MTUS1: variants seen among roughly 807,000 people sequenced by gnomAD.
The protein encoded by MTUS1 is microtubule associated scaffold protein 1, also known as microtubule-associated tumor suppressor 1.
A neutral mutation model predicts 120.8 loss-of-function variants in MTUS1; 109 were observed. The observed-to-expected ratio is 0.90, with a 90% CI of 0.77 to 1.06. The LOEUF (loss-of-function observed/expected upper bound fraction) is 1.06. MTUS1 is among the 50% of genes least tolerant of loss of function. The pLI, the probability that MTUS1 is intolerant of heterozygous loss-of-function variation, is 0.00. For synonymous variants in MTUS1, 737 were observed against 550.5 expected (o/e 1.34, Z -4.74); for missense variants, 2,210 against 1,486.3 (o/e 1.49, Z -8.01).
At chr8:17,799,091 G>C (rs1351120740) in intron 1 of MTUS1, among the ~76,000 whole-genome samples, 1 of 152,016 alleles carries the variant, frequency 6.6e-6, no homozygotes, top group Non-Finnish European at 1.5e-5. Context: ...CTCACAGAGA[G>C]CTGGTGGGAA....
At chr8:17,746,375 C>A (rs1005197259) in intron 2 of MTUS1, among the ~76,000 whole-genome samples, 1 of 152,134 alleles carries the variant, frequency 6.6e-6, no homozygotes, top group African/African-American at 2.4e-5. Context: ...ATTTTCACAA[C>A]GCTGATAAAG....
At chr8:17,670,525 G>T (rs771645591) in intron 8 of MTUS1, among the ~76,000 whole-genome samples, 1 of 152,120 alleles carries the variant, frequency 6.6e-6, no homozygotes, top group Non-Finnish European at 1.5e-5. Context: ...CAGTGAAAAA[G>T]ATCACAGCAG....
At chr8:17,684,689 T>A in intron 6 of MTUS1, 147 bp from the exon 7 acceptor site, 1 of 660,268 alleles carries the variant, frequency 1.5e-6, no homozygotes, top group Non-Finnish European at 2.7e-6. Context: ...AGAACTGGAA[T>A]GAATCGGAGA....
chr8:17,753,472 T>C (rs906493688), intron 2 of MTUS1, among the ~76,000 whole-genome samples: 3 of 152,190 alleles, frequency 2.0e-5, no homozygotes, highest in Non-Finnish European at 2.9e-5. Context: ...CAGCACACTA[T>C]TAAAAGGAAC....
intron 2 of MTUS1, among the ~76,000 whole-genome samples, chr8:17,746,124 T>C (rs1350849620): frequency 6.6e-6 from 1 of 152,186 alleles, no homozygotes; most frequent in South Asian, 2.1e-4. Context: ...GTTCTTTATA[T>C]AGCAATGTGA....
intron 5 of MTUS1, among the ~76,000 whole-genome samples, chr8:17,714,289 C>T (rs1007867240): frequency 9.9e-5 from 15 of 152,104 alleles, no homozygotes; most frequent in Admixed American, 5.2e-4. Context: ...ATACATTAAC[C>T]AGCCTCAAGG....
chr8:17,727,984 G>GT (rs1233973816), intron 3 of MTUS1, among the ~76,000 whole-genome samples: 19 of 152,196 alleles, frequency 1.2e-4, no homozygotes, highest in African/African-American at 4.6e-4. Flanking sequence ...GAAAACCTGA[G>GT]TAAGTATACT....
intron 6 of MTUS1, among the ~76,000 whole-genome samples, chr8:17,687,028 A>C (rs1463183873): frequency 6.6e-6 from 1 of 152,146 alleles, no homozygotes; most frequent in East Asian, 1.9e-4. Context: ...CCTTGGGGAA[A>C]CTACACAGGA....
chr8:17,694,977 C>G (rs1467077635), intron 6 of MTUS1, among the ~76,000 whole-genome samples: 1 of 152,102 alleles, frequency 6.6e-6, no homozygotes, highest in Non-Finnish European at 1.5e-5. Flanking sequence ...CCAGCAGAAT[C>G]AAGGCTACAA....
At chr8:17,681,410 G>A (rs904176923) in intron 7 of MTUS1, among the ~76,000 whole-genome samples, 1 of 152,168 alleles carries the variant, frequency 6.6e-6, no homozygotes, top group Non-Finnish European at 1.5e-5. Context: ...GACATTTTTA[G>A]TTGATAGCTT....
intron 6 of MTUS1, chr8:17,704,301 A>G (rs934856878): frequency 3.9e-5 from 6 of 152,040 alleles, no homozygotes; most frequent in African/African-American, 1.4e-4. Flanking sequence ...ATGTACTCCA[A>G]CCTGTCTATT....
At chr8:17,782,169 C>T (rs1221345111) in intron 1 of MTUS1, among the ~76,000 whole-genome samples, 1 of 152,168 alleles carries the variant, frequency 6.6e-6, no homozygotes, top group Non-Finnish European at 1.5e-5. Flanking sequence ...TTTTTCCCCC[C>T]TTAAATGTCA....
At chr8:17,691,529 C>A (rs1816940509) in intron 6 of MTUS1, among the ~76,000 whole-genome samples, 1 of 152,232 alleles carries the variant, frequency 6.6e-6, no homozygotes, top group South Asian at 2.1e-4. Flanking sequence ...CCAGCAAAAT[C>A]TTTCATGACT....
intron 1 of MTUS1, among the ~76,000 whole-genome samples, chr8:17,790,266 T>A (rs2051662675): frequency 6.6e-6 from 1 of 151,444 alleles, no homozygotes; most frequent in African/African-American, 2.4e-5. Context: ...GAGAACTGCT[T>A]GAACCCGGGA....
At chr8:17,709,118 C>A (rs1182776926) in intron 6 of MTUS1, 2 of 145,188 alleles carry the variant, frequency 1.4e-5, no homozygotes, top group African/African-American at 5.2e-5. Context: ...GCCTGGGCGA[C>A]AGAGCAAGAC....
chr8:17,766,377 G>A (rs2049487617), intron 1 of MTUS1, among the ~76,000 whole-genome samples: 1 of 152,124 alleles, frequency 6.6e-6, no homozygotes, highest in South Asian at 2.1e-4. Flanking sequence ...CCACATACAA[G>A]TCTCCTTCCT....
chr8:17,782,383 A>T (rs1365400797), intron 1 of MTUS1, among the ~76,000 whole-genome samples: 3 of 152,230 alleles, frequency 2.0e-5, no homozygotes, highest in Non-Finnish European at 4.4e-5. Context: ...TCTACCAGAG[A>T]TACTATACAC....
chr8:17,799,818 T>C (rs570410106), intron 1 of MTUS1, among the ~76,000 whole-genome samples: 1 of 152,328 alleles, frequency 6.6e-6, no homozygotes, highest in South Asian at 2.1e-4. Context: ...GTTACATAAA[T>C]AACTACATAT....
chr8:17,689,775 A>G (rs1816584958), intron 6 of MTUS1, among the ~76,000 whole-genome samples: 1 of 152,208 alleles, frequency 6.6e-6, no homozygotes, highest in East Asian at 1.9e-4. Flanking sequence ...CAGCAAAAAT[A>G]CATACAATGG....
Sources: allele counts gnomAD v4.1 joint callset (sites outside exome capture counted in the v4.1 genomes callset), GRCh38; gene constraint gnomAD v4.1.1; transcripts MANE v1.5; gene names NCBI Gene and HGNC (gene_info 2026-07-23, HGNC 2026-07-21).